COL25A1: variants seen among roughly 807,000 people sequenced by gnomAD.
COL25A1 encodes collagen alpha-1(XXV) chain.
In COL25A1, 103 loss-of-function variants were observed where a neutral mutation model predicts 128.4. That is an observed-to-expected ratio of 0.80 (90% CI 0.68 to 0.94). COL25A1 has a LOEUF of 0.94. Ranked by LOEUF, COL25A1 falls within the 40% of genes least tolerant of loss-of-function variation. COL25A1 has a pLI of 0.00. For synonymous variants in COL25A1, 279 were observed against 277.2 expected, an observed-to-expected ratio of 1.01 and a Z score of -0.06; for missense variants, 745 against 840.0, an observed-to-expected ratio of 0.89 and a Z score of 1.40.
At chr4:109,181,614 C>G (rs1430201115) in intron 3 of COL25A1, among the ~76,000 whole-genome samples, 1 of 151,892 alleles carries the variant, frequency 6.6e-6, no homozygotes, top group Non-Finnish European at 1.5e-5. Flanking sequence ...TTTTGATGTA[C>G]AAATGATGTT....
intron 3 of COL25A1, among the ~76,000 whole-genome samples, chr4:109,293,875 A>C (rs1724712992): frequency 6.6e-6 from 1 of 152,124 alleles, no homozygotes; most frequent in South Asian, 2.1e-4. Flanking sequence ...CTGGATTTTG[A>C]GAAATTCCAA....
At chr4:108,986,631 G>A (rs1432419508) in intron 6 of COL25A1, among the ~76,000 whole-genome samples, 1 of 152,158 alleles carries the variant, frequency 6.6e-6, no homozygotes, top group Non-Finnish European at 1.5e-5. Context: ...ACAATAAGGG[G>A]AAGGAAGACC....
intron 3 of COL25A1, among the ~76,000 whole-genome samples, chr4:109,074,848 C>A (rs1421941277): frequency 6.6e-6 from 1 of 152,064 alleles, no homozygotes. Flanking sequence ...CACTCAGACA[C>A]CAGAAAAGCA....
At chr4:109,030,838 C>T (rs953630840) in intron 5 of COL25A1, among the ~76,000 whole-genome samples, 3 of 152,134 alleles carry the variant, frequency 2.0e-5, no homozygotes, top group African/African-American at 7.2e-5. Context: ...CTGCAACCTC[C>T]ATCTCCTTGG....
chr4:109,054,471 T>G (rs1761278553), intron 3 of COL25A1, among the ~76,000 whole-genome samples: 2 of 152,208 alleles, frequency 1.3e-5, no homozygotes, highest in South Asian at 4.1e-4. Context: ...GTGTTGAAGC[T>G]TATAAACCAT....
intron 6 of COL25A1, among the ~76,000 whole-genome samples, chr4:108,976,898 C>G (rs528652771): frequency 8.5e-5 from 13 of 152,244 alleles, no homozygotes; most frequent in African/African-American, 3.1e-4. Context: ...ACTTTTTCAC[C>G]TGTTATTGCA....
Position 108,893,452 on chromosome 4 carries a change from T to C in COL25A1, c.906+3215A>G, listed in dbSNP as rs928860463. The stretch of plus-strand genomic sequence containing the variant: ...TCTACGCATGACTGAACTCCGTCTT[T>C]GGCAGGTTTACGCTCTTAAATCTAG... On this transcript the variant is annotated intron_variant, in intron 16 of 37. Transcript: ENST00000399132. Among the ~76,000 whole-genome samples the C allele has an allele frequency of 2.0e-4, 31 of 152,280 alleles. 1 individual carries two copies. Among genetic ancestry groups the C allele is most frequent in the Admixed American group, 2.0e-3 (31 of 15,296 alleles).
At chr4:109,228,828 C>G (rs1778976743) in intron 3 of COL25A1, among the ~76,000 whole-genome samples, 1 of 152,196 alleles carries the variant, frequency 6.6e-6, no homozygotes, top group African/African-American at 2.4e-5. Context: ...TGGTATACTA[C>G]TGTGGAATTC....
At chr4:109,189,788 T>G (rs1026864372) in intron 3 of COL25A1, among the ~76,000 whole-genome samples, 5 of 152,162 alleles carry the variant, frequency 3.3e-5, no homozygotes, top group South Asian at 4.1e-4. Context: ...TTTTGTCTTC[T>G]CTGAATAACT....
intron 3 of COL25A1, among the ~76,000 whole-genome samples, chr4:109,219,079 G>C (rs189812986): frequency 6.6e-6 from 1 of 152,194 alleles, no homozygotes; most frequent in East Asian, 1.9e-4. Context: ...TAATGAGTTA[G>C]TACAAACTTT....
At chr4:109,065,013 T>C (rs1762287160) in intron 3 of COL25A1, among the ~76,000 whole-genome samples, 1 of 152,094 alleles carries the variant, frequency 6.6e-6, no homozygotes. Context: ...CCCACAGAAT[T>C]CTTATTGGCT....
At chr4:109,032,192 T>C (rs1240602461) in intron 5 of COL25A1, among the ~76,000 whole-genome samples, 2 of 152,104 alleles carry the variant, frequency 1.3e-5, no homozygotes, top group Non-Finnish European at 2.9e-5. Context: ...TAAATGGAAA[T>C]ACTGAGACAT....
chr4:109,084,628 A>T (rs1277106185), intron 3 of COL25A1, among the ~76,000 whole-genome samples: 1 of 152,196 alleles, frequency 6.6e-6, no homozygotes, highest in Non-Finnish European at 1.5e-5. Flanking sequence ...GTATGTTATT[A>T]TACAAGCAAT....
intron 3 of COL25A1, among the ~76,000 whole-genome samples, chr4:109,117,876 C>T (rs1310742384): frequency 2.0e-5 from 3 of 151,496 alleles, no homozygotes; most frequent in Non-Finnish European, 4.4e-5. Context: ...ATTGCAAACT[C>T]TGGAGCAACT....
At chr4:108,984,643 G>A (rs986444005) in intron 6 of COL25A1, among the ~76,000 whole-genome samples, 4 of 152,212 alleles carry the variant, frequency 2.6e-5, no homozygotes, top group Admixed American at 6.5e-5. Context: ...CGGCCGCTCC[G>A]AAGTGCGGGG....
intron 3 of COL25A1, among the ~76,000 whole-genome samples, chr4:109,130,356 T>A (rs1769067069): frequency 6.6e-6 from 1 of 152,036 alleles, no homozygotes; most frequent in Non-Finnish European, 1.5e-5. Context: ...TAGTTGTGAA[T>A]GTATACACAT....
At chr4:109,093,029 CT>C (rs200463211) in intron 3 of COL25A1, among the ~76,000 whole-genome samples, 10 of 148,048 alleles carry the variant, frequency 6.8e-5, no homozygotes, top group Admixed American at 2.7e-4. Context: ...ATTACAGTCA[CT>C]TTTTTTTTTA....
chr4:108,909,170 T>A (rs2125879771), intron 13 of COL25A1, among the ~76,000 whole-genome samples: 1 of 152,336 alleles, frequency 6.6e-6, no homozygotes, highest in South Asian at 2.1e-4. Flanking sequence ...CCAAGACTAG[T>A]TCAACCTACG....
At chr4:108,939,855 T>C (rs1457940919) in intron 10 of COL25A1, among the ~76,000 whole-genome samples, 2 of 152,186 alleles carry the variant, frequency 1.3e-5, no homozygotes, top group Admixed American at 1.3e-4. Context: ...CTTCTGCCTT[T>C]TACTACTATA....
Sources: gnomAD v4.1 joint callset for allele counts (sites outside exome capture counted in the v4.1 genomes callset) on GRCh38, gnomAD v4.1.1 for gene constraint, MANE v1.5 for transcripts, NCBI Gene and HGNC (gene_info 2026-07-23, HGNC 2026-07-21) for gene names.